Variants in DPY19L3 observed in about 807,000 individuals in gnomAD.
DPY19L3 encodes protein C-mannosyl-transferase DPY19L3.
In DPY19L3, 51 loss-of-function variants were observed where a neutral mutation model predicts 92.3. That is an observed-to-expected ratio of 0.55 (90% CI 0.44 to 0.70). The LOEUF is 0.70. DPY19L3 is among the 30% of genes least tolerant of loss of function. The probability of loss-of-function intolerance (pLI) is 0.00; values close to 1 mark genes in which losing one functional copy is unlikely to be tolerated. For missense variants in DPY19L3, 706 were observed against 855.9 expected (o/e 0.82, Z 2.18); for synonymous variants, 309 against 315.2 (o/e 0.98, Z 0.21).
chr19:32,478,176 A>G (rs1970569043), intron 17 of DPY19L3, among the ~76,000 whole-genome samples: 1 of 151,874 alleles, frequency 6.6e-6, no homozygotes, highest in Non-Finnish European at 1.5e-5. Flanking sequence ...CTGGTCCAGG[A>G]CCTCTGCCTG....
At position 32,458,487 on chromosome 19, in the gene DPY19L3, G is replaced by T; in HGVS notation, c.1300G>T (p.Val434Phe). 1 of 1,610,606 alleles carries T rather than the reference G, an allele frequency of 6.2e-7. No individual in the cohort carries two copies. The highest frequency in any genetic ancestry group is 8.5e-7 in the Non-Finnish European group (1 of 1,179,216). ...GTCCATCACAGTGATTGTAGCATTC[G>T]TTGTTGCCTTTCATAATCTCAGGTA... ...VLSITVIVAF[V>F]VAFHNLSDST... Residue 434 changes from valine to phenylalanine, a missense_variant, in exon 12 of 19, where the codon GTT becomes TTT. Physicochemically the swap from Val to Phe is conservative, Grantham distance 50 (BLOSUM62 -1). Coordinates refer to ENST00000392250, the MANE Select transcript of DPY19L3 (RefSeq NM_001172774.2).
At chr19:32,435,718 C>T (rs568749166) in intron 4 of DPY19L3, among the ~76,000 whole-genome samples, 2 of 152,324 alleles carry the variant, frequency 1.3e-5, no homozygotes, top group East Asian at 3.9e-4. Flanking sequence ...GGTTGAGGAT[C>T]TTCTCCTGTG....
At chr19:32,429,421 T>C (rs896226853) in intron 3 of DPY19L3, among the ~76,000 whole-genome samples, 5 of 152,264 alleles carry the variant, frequency 3.3e-5, no homozygotes, top group African/African-American at 1.2e-4. Flanking sequence ...GAAGCAGATG[T>C]AAAACTTGCA....
At chr19:32,427,820 G>A (rs897900430) in intron 3 of DPY19L3, among the ~76,000 whole-genome samples, 1 of 152,084 alleles carries the variant, frequency 6.6e-6, no homozygotes, top group Non-Finnish European at 1.5e-5. Flanking sequence ...AGAACTTTAA[G>A]AACAGCTGTC....
At chr19:32,437,422 C>A in intron 6 of DPY19L3, 83 bp downstream of exon 6, 1 of 1,483,672 alleles carries the variant, frequency 6.7e-7, no homozygotes. Flanking sequence ...AGAGAAATTT[C>A]TTCTGCCACA....
At chr19:32,430,060 T>C (rs1300359830) in intron 3 of DPY19L3, among the ~76,000 whole-genome samples, 2 of 152,230 alleles carry the variant, frequency 1.3e-5, no homozygotes, top group Admixed American at 6.5e-5. Context: ...TATCATTATG[T>C]AGTAGCCTTT....
At chr19:32,408,446 G>A in intron 2 of DPY19L3, 90 bp downstream of exon 2, 2 of 888,192 alleles carry the variant, frequency 2.3e-6, no homozygotes, top group South Asian at 3.3e-5. Flanking sequence ...AATTTGGTGG[G>A]ACCTAACAAT....
chr19:32,431,780 A>G (rs1200037612), intron 3 of DPY19L3, among the ~76,000 whole-genome samples: 3 of 152,210 alleles, frequency 2.0e-5, no homozygotes, highest in Non-Finnish European at 2.9e-5. Flanking sequence ...ATCCCAGTGG[A>G]CAGTCTATGG....
chr19:32,428,482 T>C (rs1968844645), intron 3 of DPY19L3, among the ~76,000 whole-genome samples: 1 of 151,958 alleles, frequency 6.6e-6, no homozygotes, highest in Non-Finnish European at 1.5e-5. Flanking sequence ...AAGGAGCGGA[T>C]TGGGGTCAGT....
intron 16 of DPY19L3, among the ~76,000 whole-genome samples, chr19:32,472,699 C>T (rs528584280): frequency 2.6e-4 from 40 of 152,142 alleles, no homozygotes; most frequent in Non-Finnish European, 4.3e-4. Flanking sequence ...TTTCATTTTT[C>T]GTTCCTGAAA....
chr19:32,428,460 G>GA (rs1315140136), intron 3 of DPY19L3, among the ~76,000 whole-genome samples: 12 of 152,138 alleles, frequency 7.9e-5, no homozygotes, highest in Non-Finnish European at 1.8e-4. Flanking sequence ...GGGTGAGTAG[G>GA]AATAGGCAGC....
At chr19:32,429,256 G>A (rs1290508457) in intron 3 of DPY19L3, among the ~76,000 whole-genome samples, 1 of 152,212 alleles carries the variant, frequency 6.6e-6, no homozygotes, top group Non-Finnish European at 1.5e-5. Context: ...TGGAACCTGT[G>A]CAAATTGAAT....
rs1234894041 is a variant in DPY19L3, at chr19:32,454,939, A to G, written c.988A>G (p.Lys330Glu). Residue 330 changes from lysine (K) to glutamate (E), a missense_variant and splice_region_variant, in exon 10 of 19, where the codon AAA becomes GAA. By Grantham distance (56) the Lys-to-Glu change is moderately conservative. Coordinates refer to ENST00000392250, the MANE Select transcript of DPY19L3 (RefSeq NM_001172774.2). ...LSVFIARKLQKNLKTGSFLNR... is the reference protein window; with the variant it reads ...LSVFIARKLQENLKTGSFLNR... ...AAAACATAACTCTTTTAATTTCTAG[A>G]AAAATCTGAAAACTGGAAGCTTCCT... 3 of 1,540,218 alleles carry G rather than the reference A, an allele frequency of 1.9e-6. No homozygotes were observed. The highest frequency in any genetic ancestry group is 4.6e-5 in the Admixed American group (2 of 43,256).
intron 3 of DPY19L3, among the ~76,000 whole-genome samples, chr19:32,418,657 AT>A (rs1313247587): frequency 6.6e-6 from 1 of 152,158 alleles, no homozygotes; most frequent in Non-Finnish European, 1.5e-5. Context: ...CCATTTCTAT[AT>A]TGGGGAATTA....
intron 2 of DPY19L3, among the ~76,000 whole-genome samples, chr19:32,409,052 G>T (rs1968084560): frequency 1.3e-5 from 2 of 152,228 alleles, no homozygotes. Flanking sequence ...AGCCAGGCTA[G>T]TAAAGCAATT....
intron 17 of DPY19L3, among the ~76,000 whole-genome samples, chr19:32,478,082 A>G (rs879540884): frequency 9.9e-5 from 15 of 152,188 alleles, no homozygotes; most frequent in Admixed American, 2.6e-4. Context: ...ATCATGTGGG[A>G]CTTCAAGATG....
chr19:32,483,603 A>G lies in DPY19L3; in HGVS notation c.*1363A>G, dbSNP rs975820900. On this transcript the variant is annotated 3_prime_UTR_variant, in exon 19 of 19. Transcript: ENST00000392250. ...CTGCATCACATTTTCAAATGATTTT[A>G]TATTCAGTTGCTACTTATAAAGCAG... The G allele has an allele frequency of 2.6e-5, 4 of 152,486 alleles. No individual in the cohort carries two copies. Among genetic ancestry groups the G allele is most frequent in the African/African-American group, 7.2e-5 (3 of 41,466 alleles). The allele number at this position is 152,486 out of a possible 1,614,324, so 9.4% of individuals were successfully genotyped here.
At chr19:32,468,842 T>A (rs747203900) in intron 16 of DPY19L3, 29 bp downstream of exon 16, 57 of 1,606,384 alleles carry the variant, frequency 3.5e-5, no homozygotes, top group Admixed American at 6.8e-5. Flanking sequence ...ACTTTTAAAA[T>A]TTTAAGTGCC....
chr19:32,419,214 G>A (rs1968479935), intron 3 of DPY19L3, among the ~76,000 whole-genome samples: 1 of 149,296 alleles, frequency 6.7e-6, no homozygotes, highest in South Asian at 2.1e-4. Flanking sequence ...AGGCTGGAGT[G>A]CAGTGGCGCG....
Sources: gnomAD v4.1 joint callset for allele counts (sites outside exome capture counted in the v4.1 genomes callset) on GRCh38, gnomAD v4.1.1 for gene constraint, MANE v1.5 for transcripts, NCBI Gene and HGNC (gene_info 2026-07-23, HGNC 2026-07-21) for gene names.